The following SP100 variants were observed in gnomAD, a reference collection of about 807,000 sequenced individuals.
SP100 encodes the protein nuclear autoantigen Sp-100.
A neutral mutation model predicts 130.0 loss-of-function variants in SP100; 84 were observed. That is an observed-to-expected ratio of 0.65 (90% CI 0.54 to 0.77). SP100 has a LOEUF of 0.77. Ranked by LOEUF, SP100 falls within the 30% of genes least tolerant of loss-of-function variation. The pLI, the probability that SP100 is intolerant of heterozygous loss-of-function variation, is 0.00. For synonymous variants in SP100, 331 were observed against 351.7 expected, an observed-to-expected ratio of 0.94 and a Z score of 0.66; for missense variants, 978 against 1,052.2, an observed-to-expected ratio of 0.93 and a Z score of 0.97.
chr2:230,424,668 C>CAAAA (rs770362175), intron 2 of SP100, among the ~76,000 whole-genome samples: 4 of 111,732 alleles, frequency 3.6e-5, no homozygotes, highest in Non-Finnish European at 3.7e-5. Context: ...GACTCCATCT[C>CAAAA]AAAAAAAAAA....
chr2:230,515,324 C>A, intron 24 of SP100: 1 of 1,613,654 alleles, frequency 6.2e-7, no homozygotes, highest in Middle Eastern at 1.7e-4. Context: ...CCTCCTTTGG[C>A]CTTTTTCCTG....
chr2:230,490,935 C>G (rs754465467), intron 17 of SP100, among the ~76,000 whole-genome samples: 6 of 152,056 alleles, frequency 3.9e-5, no homozygotes, highest in Non-Finnish European at 8.8e-5. Context: ...CTTGGAGAAT[C>G]TGATGATTAT....
intron 19 of SP100, among the ~76,000 whole-genome samples, chr2:230,501,289 A>T (rs1466649479): frequency 6.6e-6 from 1 of 152,114 alleles, no homozygotes; most frequent in Admixed American, 6.5e-5. Context: ...CCTTTAGTTC[A>T]ATAGCCAAGT....
intron 11 of SP100, among the ~76,000 whole-genome samples, chr2:230,465,954 G>A (rs975101101): frequency 6.6e-6 from 1 of 152,004 alleles, no homozygotes; most frequent in Non-Finnish European, 1.5e-5. Context: ...GGAGGCTGAG[G>A]CAGGTGGATC....
chr2:230,522,833 G>T (rs1458022691), intron 24 of SP100, among the ~76,000 whole-genome samples: 2 of 151,234 alleles, frequency 1.3e-5, no homozygotes, highest in African/African-American at 4.9e-5. Context: ...TTATTTTTTT[G>T]AGGCAGAGTC....
chr2:230,446,728 A>G lies in SP100; in HGVS notation c.440-91A>G, dbSNP rs917252441. The stretch of plus-strand genomic sequence containing the variant: ...GAACCCTCTGAGCTCTGAGTCACCC[A>G]AGGGCTGGAAATTCCTAAAAGCATG... On this transcript the variant is annotated intron_variant, in intron 4 of 28. Transcript: ENST00000340126. 6.1e-5 allele frequency: 48 copies of G among 782,692 alleles called. 1 individual carries two copies. Among genetic ancestry groups the G allele is most frequent in the South Asian group, 3.4e-4 (20 of 58,828 alleles). 48.5% of individuals were successfully genotyped at this position (782,692 alleles called of 1,614,324 possible).
At position 230,449,521 on chromosome 2, in the gene SP100, G is replaced by A. The variant is rs760565699; in HGVS notation, c.587-40G>A. The A allele has an allele frequency of 2.5e-6, 4 of 1,612,360 alleles. 1 individual carries two copies. The South Asian group carries it at 4.4e-5, about 18-fold the overall frequency. ...GGTTGGAGGGGAGTGACAGGCAGCA[G>A]AGGGCAAATAAAATACCTGTGAATC... On this transcript the variant is annotated intron_variant, in intron 6 of 28. Transcript: ENST00000340126.
chr2:230,429,283 T>C (rs1448937833), intron 2 of SP100, among the ~76,000 whole-genome samples: 1 of 152,222 alleles, frequency 6.6e-6, no homozygotes, highest in Middle Eastern at 3.2e-3. Context: ...CCCTAATCTC[T>C]CCTGGGCTGA....
chr2:230,465,110 C>T (rs1030996017), intron 11 of SP100, among the ~76,000 whole-genome samples: 21 of 152,172 alleles, frequency 1.4e-4, no homozygotes, highest in Admixed American at 1.4e-3. Flanking sequence ...GTGGCGCTTG[C>T]CTATAGTCCC....
rs79689581 is a variant in SP100, at chr2:230,447,432, G to A, written c.523+530G>A. Among the ~76,000 whole-genome samples the A allele has an allele frequency of 2.6e-3, 400 of 152,244 alleles. 4 individuals are homozygous for A. Among genetic ancestry groups the A allele is most frequent in the African/African-American group, 9.0e-3 (374 of 41,534 alleles). ...ATTGCCCAGACTTGGCACGGACTCC[G>A]CAGGTTAAGGGCTCATTCCCATAAG... On this transcript the variant is annotated intron_variant, in intron 5 of 28. Transcript: ENST00000340126.
chr2:230,536,795 G>T (rs1418380888), intron 24 of SP100, among the ~76,000 whole-genome samples: 1 of 60,632 alleles, frequency 1.6e-5, no homozygotes, highest in Non-Finnish European at 5.2e-5. Context: ...GGCTTTCTGC[G>T]TGGCAAGCAG....
intron 11 of SP100, among the ~76,000 whole-genome samples, chr2:230,464,840 C>G (rs568147310): frequency 2.3e-4 from 35 of 152,284 alleles, no homozygotes; most frequent in African/African-American, 8.2e-4. Flanking sequence ...CACCTATAAT[C>G]CCAGCACTTT....
chr2:230,538,771 C>G (rs1692050873), intron 24 of SP100: 1 of 155,024 alleles, frequency 6.5e-6, no homozygotes, highest in Admixed American at 6.3e-5. Flanking sequence ...GGCCCAGAGC[C>G]CTCCAGGAAA....
intron 24 of SP100, among the ~76,000 whole-genome samples, chr2:230,527,237 C>T (rs950846482): frequency 6.6e-6 from 1 of 152,186 alleles, no homozygotes; most frequent in Non-Finnish European, 1.5e-5. Context: ...TCAGCAGAAA[C>T]TCTACAAGCC....
At chr2:230,491,699 C>G (rs6732411) in intron 17 of SP100, among the ~76,000 whole-genome samples, 59,356 of 152,060 alleles carry the variant, frequency 0.39, 13,029 homozygotes, top group South Asian at 0.57. Context: ...AAATCTGCCC[C>G]CGTGATCCAA....
intron 25 of SP100, among the ~76,000 whole-genome samples, chr2:230,540,405 T>G (rs1692124509): frequency 6.6e-6 from 1 of 152,182 alleles, no homozygotes; most frequent in South Asian, 2.1e-4. Flanking sequence ...AGATTCTAGG[T>G]ATAAGATATG....
At position 230,544,807 on chromosome 2, in the gene SP100, C is replaced by T. The variant is rs1398442036; in HGVS notation, c.*1861C>T. Among the ~76,000 whole-genome samples, 1 of 152,176 alleles carries T rather than the reference C, an allele frequency of 6.6e-6. No homozygotes were observed. Among genetic ancestry groups the T allele is most frequent in the Non-Finnish European group, 1.5e-5 (1 of 68,028 alleles). On this transcript the variant is annotated 3_prime_UTR_variant, in exon 29 of 29. Coordinates refer to ENST00000340126, the MANE Select transcript of SP100 (RefSeq NM_001080391.2). ...AAAAGACACTTTCCAAAAGAAGATA[C>T]ACATGCGGCCAACAAGCATGTTTTA...
At chr2:230,472,772 C>T (rs1649889) in intron 15 of SP100, among the ~76,000 whole-genome samples, 35,568 of 152,082 alleles carry the variant, frequency 0.23, 5,049 homozygotes, top group Middle Eastern at 0.33. Flanking sequence ...GCATGATTCA[C>T]AATAGCAGTA....
rs1374741812 is a variant in SP100, at chr2:230,544,450, A to G, written c.*1504A>G. Among the ~76,000 whole-genome samples, 4 of 152,106 alleles carry G rather than the reference A, an allele frequency of 2.6e-5. No homozygotes were observed. The highest frequency in any genetic ancestry group is 2.6e-4 in the Admixed American group (4 of 15,244). On this transcript the variant is annotated 3_prime_UTR_variant, in exon 29 of 29. Transcript: ENST00000340126. ...ACTTAAACAAATTTACAAGACAAAAAGAAATAACCCCATTAAAAAGTGGGC... is the reference window on the plus strand; with the variant it reads ...ACTTAAACAAATTTACAAGACAAAAGGAAATAACCCCATTAAAAAGTGGGC...
Sources: gnomAD v4.1 joint callset for allele counts (sites outside exome capture counted in the v4.1 genomes callset) on GRCh38, gnomAD v4.1.1 for gene constraint, MANE v1.5 for transcripts, NCBI Gene and HGNC (gene_info 2026-07-23, HGNC 2026-07-21) for gene names.